LRBA: variants seen among roughly 807,000 people sequenced by gnomAD.
The protein encoded by LRBA is LPS responsive beige-like anchor protein.
In LRBA, 176 loss-of-function variants were observed where a neutral mutation model predicts 330.0. The ratio of observed to expected loss-of-function variants is 0.53; its 90% CI spans 0.47 to 0.60. LRBA has a LOEUF of 0.60. Among genes scored for constraint, LRBA ranks in the 20% least tolerant of loss-of-function variants. The probability of loss-of-function intolerance (pLI) is 0.00; values close to 1 mark genes in which losing one functional copy is unlikely to be tolerated. For synonymous variants in LRBA, 1,230 were observed against 1,193.0 expected, an observed-to-expected ratio of 1.03 and a Z score of -0.64; for missense variants, 3,259 against 3,444.8, an observed-to-expected ratio of 0.95 and a Z score of 1.35.
intron 51 of LRBA, chr4:150,314,907 T>TC (rs1277167301): frequency 6.6e-6 from 1 of 152,114 alleles, no homozygotes; most frequent in African/African-American, 2.4e-5. Flanking sequence ...CCTATTTTTT[T>TC]CTCCCCTGAA....
intron 36 of LRBA, among the ~76,000 whole-genome samples, chr4:150,685,724 C>T (rs1012896534): frequency 7.3e-5 from 11 of 151,678 alleles, no homozygotes; most frequent in South Asian, 6.3e-4. Context: ...CGTGAGCCAC[C>T]GCGCCTGGCC....
At chr4:150,618,884 A>C (rs1253114810) in intron 37 of LRBA, among the ~76,000 whole-genome samples, 1 of 151,194 alleles carries the variant, frequency 6.6e-6, no homozygotes, top group Non-Finnish European at 1.5e-5. Flanking sequence ...ACACATACAC[A>C]CACATATATA....
At chr4:150,296,924 G>A (rs1341758392) in intron 53 of LRBA, among the ~76,000 whole-genome samples, 6 of 92,158 alleles carry the variant, frequency 6.5e-5, no homozygotes, top group Middle Eastern at 7.1e-3. Context: ...CCCCACCGCC[G>A]GCACAGAGTT....
At position 150,849,457 on chromosome 4, in the gene LRBA, T is replaced by C. The variant is rs778533895; in HGVS notation, c.4123A>G (p.Ile1375Val). 1.1e-5 allele frequency: 18 copies of C among 1,613,564 alleles called. No homozygotes were observed. The highest frequency in any genetic ancestry group is 5.0e-5 in the Admixed American group (3 of 59,910). Residue 1375 changes from isoleucine (I) to valine (V), a missense_variant, in exon 25 of 57, where the codon ATA becomes GTA. Transcript: ENST00000651943. The part of the protein sequence containing the change: ...MDNMVMACGG[I>V]LPLLSAATSA... ...GTAGCAGCTGAAAGCAATGGCAGTA[T>C]ACCCCCACAAGCCATGACCATATTG... is the stretch of plus-strand genomic sequence containing the variant.
rs187538996 is a variant in LRBA, at chr4:150,497,114, C to A, written c.6331-6079G>T. ...TATGTTACAATAATTGTAATTTGAACAAATAGCTTAAAGAATTTTAATCAA... is the reference window on the plus strand; with the variant it reads ...TATGTTACAATAATTGTAATTTGAAAAAATAGCTTAAAGAATTTTAATCAA... On this transcript the variant is annotated intron_variant, in intron 40 of 56. Coordinates refer to ENST00000651943, the MANE Select transcript of LRBA (RefSeq NM_001364905.1). Among the ~76,000 whole-genome samples the A allele has an allele frequency of 4.0e-4, 61 of 152,136 alleles. No individual in the cohort carries two copies. In the East Asian group the frequency reaches 0.011, roughly 27 times the overall value.
At chr4:150,757,516 A>G (rs1316676020) in intron 35 of LRBA, among the ~76,000 whole-genome samples, 1 of 152,196 alleles carries the variant, frequency 6.6e-6, no homozygotes, top group African/African-American at 2.4e-5. Context: ...AGGTCAAGGC[A>G]GGTCAGACTT....
chr4:150,709,711 C>A (rs1027982781), intron 36 of LRBA, among the ~76,000 whole-genome samples: 2 of 151,716 alleles, frequency 1.3e-5, no homozygotes, highest in Non-Finnish European at 2.9e-5. Flanking sequence ...CACAAAAGAA[C>A]GAGGCAGGAA....
chr4:150,870,586 A>C lies in LRBA; in HGVS notation c.2388T>G (p.Gly796=). 1 of 1,571,308 alleles carries C rather than the reference A, an allele frequency of 6.4e-7. No homozygotes were observed. The highest frequency in any genetic ancestry group is 8.8e-7 in the Non-Finnish European group (1 of 1,141,868). The change falls in exon 20 of 57, where the codon GGT becomes GGG. Residue 796 remains glycine, a synonymous_variant. Transcript: ENST00000651943. ...VLFEILIEQI[G]TQVIHKQHPD... ...GATGCTGTTTATGTATCACCTGAGT[A>C]CCAATCTGTTCTATAAGAATCTACA... is the stretch of plus-strand genomic sequence containing the variant.
chr4:150,282,549 T>A lies in LRBA; in HGVS notation c.8217A>T (p.Arg2739Ser), dbSNP rs1747674633. The change falls in exon 55 of 57, where the codon AGA becomes AGT. Residue 2739 changes from arginine to serine, a missense_variant. Transcript: ENST00000651943. ...CATAGAATATGACACAATGACCCTC[T>A]CTTGAAGCCTGAATGAGTTTTGGTT... Reference protein sequence around the residue: ...CLKPKLIQASREGHCVIFYEN... With the variant: ...CLKPKLIQASSEGHCVIFYEN... 5.0e-6 allele frequency: 8 copies of A among 1,614,074 alleles called. No individual in the cohort carries two copies. The highest frequency in any genetic ancestry group is 5.1e-6 in the Non-Finnish European group (6 of 1,179,972).
At chr4:150,832,035 T>A (rs1747279738) in intron 28 of LRBA, 59 bp from the exon 29 acceptor site, 1 of 1,019,562 alleles carries the variant, frequency 9.8e-7, no homozygotes, top group Non-Finnish European at 1.4e-6. Flanking sequence ...CATTATATTT[T>A]ACATCACAAT....
intron 37 of LRBA, among the ~76,000 whole-genome samples, chr4:150,633,172 T>A (rs1394300240): frequency 6.6e-6 from 1 of 152,254 alleles, no homozygotes; most frequent in African/African-American, 2.4e-5. Context: ...TGTTATTAGC[T>A]GTGTGAACAA....
intron 2 of LRBA, among the ~76,000 whole-genome samples, chr4:150,937,571 T>C (rs1426573724): frequency 6.6e-6 from 1 of 152,152 alleles, no homozygotes; most frequent in Non-Finnish European, 1.5e-5. Flanking sequence ...TTCTACATTT[T>C]AGCATGATTT....
chr4:150,297,917 T>C (rs1368562167), intron 53 of LRBA, among the ~76,000 whole-genome samples: 2 of 152,166 alleles, frequency 1.3e-5, no homozygotes, highest in African/African-American at 2.4e-5. Flanking sequence ...TAAGAACTCA[T>C]ATGGTTCAAC....
intron 22 of LRBA, among the ~76,000 whole-genome samples, chr4:150,864,878 C>T (rs1392038279): frequency 1.3e-5 from 2 of 152,064 alleles, no homozygotes; most frequent in African/African-American, 4.8e-5. Context: ...AACTCCTGAC[C>T]TCAAGTGATC....
At chr4:150,823,832 T>C (rs548107309) in intron 30 of LRBA, among the ~76,000 whole-genome samples, 3 of 152,280 alleles carry the variant, frequency 2.0e-5, no homozygotes, top group Non-Finnish European at 2.9e-5. Context: ...TTTATGACAG[T>C]ATCATGCTGT....
intron 46 of LRBA, among the ~76,000 whole-genome samples, chr4:150,416,972 C>T (rs1435360833): frequency 1.5e-5 from 2 of 130,960 alleles, no homozygotes; most frequent in Admixed American, 1.5e-4. Flanking sequence ...CTTTGTCCAA[C>T]GTTACCAGTT....
chr4:150,296,196 C>T (rs1261605486), intron 53 of LRBA, among the ~76,000 whole-genome samples: 1 of 151,882 alleles, frequency 6.6e-6, no homozygotes, highest in African/African-American at 2.4e-5. Flanking sequence ...GTTAAAAATA[C>T]GTAAGTAAGG....
intron 47 of LRBA, among the ~76,000 whole-genome samples, chr4:150,389,676 C>CA (rs34170088): frequency 0.47 from 37,535 of 79,924 alleles, 8,788 homozygotes; most frequent in Middle Eastern, 0.65. Context: ...GACTCTGTCT[C>CA]AAAAAAAAAA....
chr4:150,575,587 C>T (rs956301223), intron 40 of LRBA, among the ~76,000 whole-genome samples: 2 of 151,798 alleles, frequency 1.3e-5, no homozygotes, highest in African/African-American at 2.4e-5. Context: ...AACATAGACC[C>T]ACAAAATGTC....
Sources: gnomAD v4.1 joint callset for allele counts (sites outside exome capture counted in the v4.1 genomes callset) on GRCh38, gnomAD v4.1.1 for gene constraint, MANE v1.5 for transcripts, NCBI Gene and HGNC (gene_info 2026-07-23, HGNC 2026-07-21) for gene names.